The following BDH1 variants were observed in gnomAD, a reference collection of about 807,000 sequenced individuals.
The protein encoded by BDH1 is D-beta-hydroxybutyrate dehydrogenase, mitochondrial.
A neutral mutation model predicts 33.1 loss-of-function variants in BDH1; 30 were observed. The ratio of observed to expected loss-of-function variants is 0.91; its 90% CI spans 0.68 to 1.23. The LOEUF (loss-of-function observed/expected upper bound fraction) is 1.23, where lower values mean the gene tolerates loss of function less well. Among genes scored for constraint, BDH1 ranks in the 50% most tolerant of loss-of-function variants. BDH1 has a pLI of 0.00. For synonymous variants in BDH1, 190 were observed against 183.6 expected (o/e 1.03, Z -0.28); for missense variants, 443 against 464.4 (o/e 0.95, Z 0.42).
In BDH1 at chr3:197,514,138, G is replaced by T. The variant is rs1712414823; in HGVS notation, c.562+126C>A. 7.7e-7 allele frequency: 1 copy of T among 1,290,502 alleles called. No individual in the cohort carries two copies. Among genetic ancestry groups the T allele is most frequent in the Non-Finnish European group, 1.0e-6 (1 of 957,646 alleles). 79.9% of individuals were successfully genotyped at this position (1,290,502 alleles called of 1,614,324 possible). A position where few individuals can be genotyped will look rare whatever the true frequency, so the allele number is the denominator to read the frequency against. ...ACCCCAGGCCCAGCATAGTCCCTGG[G>T]ATTCACGAGCTCACCTCTGCTGAGT... is the stretch of plus-strand genomic sequence containing the variant. On this transcript the variant is annotated intron_variant, in intron 7 of 7. Transcript: ENST00000392379. The surrounding 1 kb of genome is among the most constrained non-coding windows in gnomAD (Gnocchi z 4.2).
At chr3:197,515,346 C>G (rs1050752547) in intron 6 of BDH1, 1 of 985,688 alleles carries the variant, frequency 1.0e-6, no homozygotes, top group South Asian at 4.7e-5. Context: ...TCTCCCTGCT[C>G]TAGGTCTCAC....
Position 197,523,703 on chromosome 3 carries a change from G to C in BDH1, c.268-922C>G, listed in dbSNP as rs573357719. ...GAAGGAGACAGGTGAGCACGTAAGC[G>C]ACACAGTGACTGTGTGCTGTATGGA... is the stretch of plus-strand genomic sequence containing the variant. On this transcript the variant is annotated intron_variant, in intron 5 of 7. Coordinates refer to ENST00000392379, the MANE Select transcript of BDH1 (RefSeq NM_203314.3). The surrounding 1 kb of genome is among the most constrained non-coding windows in gnomAD (Gnocchi z 4.5). Among the ~76,000 whole-genome samples, 2 of 152,168 alleles carry C rather than the reference G, an allele frequency of 1.3e-5. No individual in the cohort carries two copies. The highest frequency in any genetic ancestry group is 2.1e-4 in the South Asian group (1 of 4,822).
At position 197,525,730 on chromosome 3, in the gene BDH1, A is replaced by G. The variant is rs1423401348; in HGVS notation, c.268-2949T>C. On this transcript the variant is annotated intron_variant, in intron 5 of 7. Transcript: ENST00000392379. The surrounding 1 kb of genome is among the most constrained non-coding windows in gnomAD (Gnocchi z 4.9). ...CCAGTTATTCAGAGAAATCTTTCCAACCACCCTCAGCCTGCTGGCTGCAGA... is the reference window on the plus strand; with the variant it reads ...CCAGTTATTCAGAGAAATCTTTCCAGCCACCCTCAGCCTGCTGGCTGCAGA... 1.2e-4 allele frequency among the ~76,000 whole-genome samples: 18 copies of G among 152,100 alleles called. No individual in the cohort carries two copies. Among genetic ancestry groups the G allele is most frequent in the Admixed American group, 1.2e-3 (18 of 15,280 alleles).
In BDH1 at chr3:197,522,501, C is replaced by A; in HGVS notation, c.409+139G>T. On this transcript the variant is annotated intron_variant, in intron 6 of 7. Coordinates refer to ENST00000392379, the MANE Select transcript of BDH1 (RefSeq NM_203314.3). The surrounding 1 kb of genome is among the most constrained non-coding windows in gnomAD (Gnocchi z 4.8). The stretch of plus-strand genomic sequence containing the variant: ...TATGTTTAGTGTAATCCTCTTCCTC[C>A]TACTGTGCAGGAGGAAGAGCCTAAA... 9.3e-7 allele frequency: 1 copy of A among 1,078,106 alleles called. No homozygotes were observed. Among genetic ancestry groups the A allele is most frequent in the South Asian group, 1.5e-5 (1 of 65,976 alleles). The allele number at this position is 1,078,106 out of a possible 1,614,324, so 66.8% of individuals were successfully genotyped here.
At position 197,533,764 on chromosome 3, in the gene BDH1, TGTCCAGGAA is replaced by T. The variant is rs781765645; in HGVS notation, c.84-212_84-204del. 531 of 580,554 alleles carry T rather than the reference TGTCCAGGAA, an allele frequency of 9.1e-4. 2 individuals carry two copies. The highest frequency in any genetic ancestry group is 1.6e-3 in the Middle Eastern group (4 of 2,562). The allele number at this position is 580,554 out of a possible 1,614,324, so 36.0% of individuals were successfully genotyped here. On this transcript the variant is annotated intron_variant, in intron 3 of 7. Coordinates refer to ENST00000392379, the MANE Select transcript of BDH1 (RefSeq NM_203314.3). Reference sequence around the variant, plus strand: ...TATTTGCTATGGCTATGTTTGCCACTGTCCAGGAAGAGCCTTCCTGAGAATAAAGCCAAT... The same window carrying T: ...TATTTGCTATGGCTATGTTTGCCACTGAGCCTTCCTGAGAATAAAGCCAAT...
At chr3:197,557,097 A>G (rs982735899), upstream of BDH1, among the ~76,000 whole-genome samples, 2 of 152,180 alleles carry the variant, frequency 1.3e-5, no homozygotes, top group Non-Finnish European at 2.9e-5. The surrounding 1 kb of genome is among the most constrained non-coding windows in gnomAD (Gnocchi z 4.6). Context: ...TCATCTACCT[A>G]TAACCTGGGG....
chr3:197,567,917 T>C (rs1717486340), intron 1 of BDH1, among the ~76,000 whole-genome samples: 1 of 152,186 alleles, frequency 6.6e-6, no homozygotes, highest in Non-Finnish European at 1.5e-5. Context: ...CAGAATGAAG[T>C]ACCCTAAAAG....
chr3:197,512,793 T>C (rs762733130), intron 7 of BDH1, among the ~76,000 whole-genome samples: 1 of 152,182 alleles, frequency 6.6e-6, no homozygotes, highest in Admixed American at 6.5e-5. Context: ...CCCCTTCCCC[T>C]TATGGAGCTT....
intron 3 of BDH1, chr3:197,543,327 C>T: frequency 5.8e-6 from 2 of 343,242 alleles, no homozygotes; most frequent in Non-Finnish European, 8.2e-6. Context: ...CTAGGCTGGA[C>T]AGGAAAGAAA....
intron 6 of BDH1, chr3:197,515,564 C>T (rs779660143): frequency 1.0e-5 from 10 of 985,616 alleles, no homozygotes; most frequent in Non-Finnish European, 1.2e-5. Flanking sequence ...TACACAATTT[C>T]AGCTTTTCCA....
chr3:197,563,664 C>T (rs1316358816), intron 1 of BDH1, among the ~76,000 whole-genome samples: 2 of 151,742 alleles, frequency 1.3e-5, no homozygotes, highest in African/African-American at 4.8e-5. Context: ...GGGTATTTTC[C>T]AATAAAAATA....
chr3:197,536,084 T>C (rs1408000113), intron 3 of BDH1, among the ~76,000 whole-genome samples: 1 of 152,166 alleles, frequency 6.6e-6, no homozygotes, highest in Non-Finnish European at 1.5e-5. Context: ...GTTTTACTTC[T>C]TAAGTCTATG....
Position 197,512,121 on chromosome 3 carries a change from C to A in BDH1, c.806G>T (p.Arg269Leu). 1 of 1,614,196 alleles carries A rather than the reference C, an allele frequency of 6.2e-7. No individual in the cohort carries two copies. The highest frequency in any genetic ancestry group is 8.5e-7 in the Non-Finnish European group (1 of 1,180,048). The change falls in exon 8 of 8, where the codon CGC (arginine) becomes CTC (leucine). Residue 269 changes from arginine to leucine, a missense_variant. Physicochemically the swap from Arg to Leu is moderately radical, Grantham distance 102 (BLOSUM62 -2). Transcript: ENST00000392379. The stretch of plus-strand genomic sequence containing the variant: ...AAAGTACTTCTTGCCGTAGTCCTTG[C>A]GCACGACCTCAGGCAGCTCCTCCCA... ...KMWEELPEVV[R>L]KDYGKKYFDE...
In BDH1 at chr3:197,520,349, C is replaced by T. The variant is rs559598683; in HGVS notation, c.409+2291G>A. Among the ~76,000 whole-genome samples the T allele has an allele frequency of 5.3e-5, 8 of 152,230 alleles. No individual in the cohort carries two copies. The highest frequency in any genetic ancestry group is 8.8e-5 in the Non-Finnish European group (6 of 68,022). The stretch of plus-strand genomic sequence containing the variant: ...ATGGTGAGAGGTTCATCCAGCCCTC[C>T]GGAATGCCCGGCGTGGGAAAAGCAG... On this transcript the variant is annotated intron_variant, in intron 6 of 7. Transcript: ENST00000392379. This position sits in a 1 kb window ranked among gnomAD's most constrained non-coding sequence, Gnocchi z 6.0.
At chr3:197,565,372 C>T (rs1021428218) in intron 1 of BDH1, among the ~76,000 whole-genome samples, 4 of 152,094 alleles carry the variant, frequency 2.6e-5, no homozygotes, top group Non-Finnish European at 5.9e-5. Flanking sequence ...ATCAAGTGTT[C>T]TAAACCTTTG....
chr3:197,511,841 T>TCCCTC lies in BDH1; in HGVS notation c.*49_*53dup. On this transcript the variant is annotated 3_prime_UTR_variant, in exon 8 of 8. Transcript: ENST00000392379. Reference sequence around the variant, plus strand: ...ATCAAGAGTTGACTATATGGGTTCCTCCCTCCCCTCCCCTTCCACCAGGGA... The same window carrying TCCCTC: ...ATCAAGAGTTGACTATATGGGTTCCTCCCTCCCCTCCCCTCCCCTTCCACCAGGGA... 6.7e-7 allele frequency: 1 copy of TCCCTC among 1,489,778 alleles called. No individual in the cohort carries two copies. Among genetic ancestry groups the TCCCTC allele is most frequent in the Non-Finnish European group, 9.0e-7 (1 of 1,106,124 alleles). The allele number at this position is 1,489,778 out of a possible 1,614,324, so 92.3% of individuals were successfully genotyped here.
At chr3:197,553,073 A>T (rs1032384191) in intron 2 of BDH1, among the ~76,000 whole-genome samples, 3 of 152,054 alleles carry the variant, frequency 2.0e-5, no homozygotes, top group African/African-American at 7.2e-5. Context: ...ATGCACCGCC[A>T]TGCCTGGCTA....
rs1334979378 is a variant in BDH1 at position 197,522,361 on chromosome 3, G to A, written c.409+279C>T. Among the ~76,000 whole-genome samples, 1 of 152,184 alleles carries A rather than the reference G, an allele frequency of 6.6e-6. No individual in the cohort carries two copies. The highest frequency in any genetic ancestry group is 2.4e-5 in the African/African-American group (1 of 41,436). ...CACCCAACCCAGCTCCTGGGCCAGAGGGGGCATCAATGGGCATTGGCTGAA... is the reference window on the plus strand; with the variant it reads ...CACCCAACCCAGCTCCTGGGCCAGAAGGGGCATCAATGGGCATTGGCTGAA... On this transcript the variant is annotated intron_variant, in intron 6 of 7. Coordinates refer to ENST00000392379, the MANE Select transcript of BDH1 (RefSeq NM_203314.3). The surrounding 1 kb of genome is among the most constrained non-coding windows in gnomAD (Gnocchi z 4.8).
chr3:197,570,582 C>T (rs1717575896), intron 1 of BDH1, among the ~76,000 whole-genome samples: 1 of 152,194 alleles, frequency 6.6e-6, no homozygotes, highest in Admixed American at 6.5e-5. Flanking sequence ...CTAAAAGGTG[C>T]CAAGGTACAC....
Sources: allele counts gnomAD v4.1 joint callset (sites outside exome capture counted in the v4.1 genomes callset), GRCh38; gene constraint gnomAD v4.1.1; non-coding constraint Gnocchi (gnomAD v3.1); transcripts MANE v1.5; gene names NCBI Gene and HGNC (gene_info 2026-07-23, HGNC 2026-07-21).